The following TAF3 variants were observed in gnomAD, a reference collection of about 807,000 sequenced individuals.
TAF3 encodes TATA-box binding protein associated factor 3, also known as transcription initiation factor TFIID subunit 3.
TAF3 carries 7 observed loss-of-function variants against 80.6 expected under a neutral mutation model. The observed-to-expected ratio is 0.09, with a 90% CI of 0.05 to 0.16. TAF3 has a LOEUF of 0.16. Ranked by LOEUF, TAF3 falls within the 10% of genes least tolerant of loss-of-function variation. TAF3 has a pLI of 1.00. For missense variants in TAF3, 921 were observed against 1,140.2 expected (o/e 0.81, Z 2.77); for synonymous variants, 444 against 446.1 (o/e 1.00, Z 0.06).
rs1161460162 is a variant in TAF3, at chr10:7,965,274, C to T, written c.1764C>T (p.Tyr588=). The T allele has an allele frequency of 3.7e-6, 6 of 1,608,178 alleles. No individual in the cohort carries two copies. The highest frequency in any genetic ancestry group is 4.2e-6 in the Non-Finnish European group (5 of 1,178,754). The stretch of plus-strand genomic sequence containing the variant: ...TTAAAGAGGAAGAGGCAGATCCCTA[C>T]AAGTTTAAAATCAAAGAATTTGAAG... ...EFLKEEEADP[Y]KFKIKEFEDV... is the part of the protein sequence containing the mutation. The change falls in exon 3 of 7, where the codon TAC becomes TAT. Residue 588 remains tyrosine (Y), a synonymous_variant. Transcript: ENST00000344293.
In TAF3 at chr10:7,824,315, C is replaced by T. The variant is rs77422857; in HGVS notation, c.167-3C>T. On this transcript the variant is annotated splice_region_variant and splice_polypyrimidine_tract_variant and intron_variant, in intron 1 of 6. Transcript: ENST00000344293. ...ATTTGATTTGCTTTTCACTTTGTTT[C>T]AGATGGCCGAACAGACCCAATTTTG... 763 of 1,599,868 alleles carry T rather than the reference C, an allele frequency of 4.8e-4. 1 individual carries two copies. Among genetic ancestry groups the T allele is most frequent in the Non-Finnish European group, 6.4e-4 (746 of 1,171,934 alleles).
At position 7,938,785 on chromosome 10, in the gene TAF3, A is replaced by C. The variant is rs1837949496; in HGVS notation, c.410-25135A>C. Among the ~76,000 whole-genome samples the C allele has an allele frequency of 3.9e-5, 6 of 152,216 alleles. No individual in the cohort carries two copies. The South Asian group carries it at 1.2e-3, about 32-fold the overall frequency. On this transcript the variant is annotated intron_variant, in intron 2 of 6. Transcript: ENST00000344293. ...GAAGAGATGAAACTGCCGAATGTTA[A>C]GTGTTGAAAGAGACTGCAAGTTGAT...
intron 2 of TAF3, among the ~76,000 whole-genome samples, chr10:7,880,083 T>G (rs1396893066): frequency 1.3e-5 from 2 of 151,926 alleles, no homozygotes; most frequent in Non-Finnish European, 2.9e-5. Context: ...CCCAAAAATA[T>G]AACAAATTAG....
At chr10:7,898,761 A>C (rs1014724490) in intron 2 of TAF3, among the ~76,000 whole-genome samples, 1 of 151,994 alleles carries the variant, frequency 6.6e-6, no homozygotes, top group Non-Finnish European at 1.5e-5. Flanking sequence ...CACTCTGAGA[A>C]TATTGTGTTG....
At chr10:7,861,477 G>GT (rs1837146936) in intron 2 of TAF3, among the ~76,000 whole-genome samples, 1 of 152,068 alleles carries the variant, frequency 6.6e-6, no homozygotes, top group African/African-American at 2.4e-5. Flanking sequence ...TAGGTTCCTT[G>GT]TTATCTGATG....
chr10:7,994,038 T>C (rs113069659), intron 4 of TAF3, among the ~76,000 whole-genome samples: 4,054 of 125,282 alleles, frequency 0.032, 93 homozygotes, highest in South Asian at 0.06. Context: ...CCCCTCTCTC[T>C]TTCTCTGCTC....
At chr10:7,909,836 G>A (rs1234633574) in intron 2 of TAF3, among the ~76,000 whole-genome samples, 3 of 152,030 alleles carry the variant, frequency 2.0e-5, no homozygotes, top group Non-Finnish European at 2.9e-5. Context: ...CTTCCTACTC[G>A]CTGGTAGTGA....
chr10:7,962,787 G>C (rs190397231), intron 2 of TAF3, among the ~76,000 whole-genome samples: 21 of 152,238 alleles, frequency 1.4e-4, no homozygotes, highest in African/African-American at 4.8e-4. Flanking sequence ...CACTTTCTGT[G>C]GGCTAGACAT....
chr10:7,956,798 G>T (rs1015218583), intron 2 of TAF3, among the ~76,000 whole-genome samples: 2 of 152,174 alleles, frequency 1.3e-5, no homozygotes, highest in African/African-American at 4.8e-5. Flanking sequence ...CTTATTTGAA[G>T]TATAGCATTC....
At chr10:7,853,334 T>G (rs1837047364) in intron 2 of TAF3, among the ~76,000 whole-genome samples, 2 of 152,210 alleles carry the variant, frequency 1.3e-5, no homozygotes, top group South Asian at 4.1e-4. Flanking sequence ...GTGGGGGCAT[T>G]ACATTGGCGG....
chr10:7,867,782 G>A (rs1345529926), intron 2 of TAF3, among the ~76,000 whole-genome samples: 1 of 152,078 alleles, frequency 6.6e-6, no homozygotes, highest in Non-Finnish European at 1.5e-5. Context: ...TGGGAGTTGG[G>A]GGCACAGACC....
chr10:7,962,200 C>G (rs1284698964), intron 2 of TAF3, among the ~76,000 whole-genome samples: 1 of 152,162 alleles, frequency 6.6e-6, no homozygotes, highest in East Asian at 1.9e-4. Flanking sequence ...AGTCTTATAC[C>G]CTAATCATTT....
intron 2 of TAF3, among the ~76,000 whole-genome samples, chr10:7,849,293 A>T (rs994946715): frequency 7.2e-5 from 11 of 152,080 alleles, no homozygotes; most frequent in Non-Finnish European, 1.3e-4. Flanking sequence ...GAGCTTTTTT[A>T]AAAAAATTAC....
At chr10:7,857,496 C>G (rs1266981718) in intron 2 of TAF3, among the ~76,000 whole-genome samples, 1 of 152,204 alleles carries the variant, frequency 6.6e-6, no homozygotes, top group Non-Finnish European at 1.5e-5. Context: ...TGGTGCCACA[C>G]AGTCTTCGGA....
At chr10:7,990,466 G>A (rs1464300594) in intron 4 of TAF3, among the ~76,000 whole-genome samples, 1 of 152,164 alleles carries the variant, frequency 6.6e-6, no homozygotes, top group Admixed American at 6.5e-5. Context: ...AAAGTACGTG[G>A]TCAGGGTAAA....
At chr10:7,994,977 G>GAAAAAAAAAAAA (rs71287400) in intron 4 of TAF3, among the ~76,000 whole-genome samples, 5 of 97,610 alleles carry the variant, frequency 5.1e-5, no homozygotes, top group Non-Finnish European at 6.0e-5. Context: ...CTCAAAAAAA[G>GAAAAAAAAAAAA]AAAAAAAAAA....
chr10:8,008,776 T>C (rs1353530528), intron 4 of TAF3, among the ~76,000 whole-genome samples: 2 of 152,308 alleles, frequency 1.3e-5, no homozygotes, highest in African/African-American at 4.8e-5. Flanking sequence ...CCGTCAGAGC[T>C]TCTGCCCCAG....
At chr10:7,843,630 CT>C (rs1249714382) in intron 2 of TAF3, among the ~76,000 whole-genome samples, 1 of 139,842 alleles carries the variant, frequency 7.2e-6, no homozygotes. Context: ...TGTGTCTCCC[CT>C]ATCTCTTTCT....
rs142067096 is a variant in TAF3 at position 7,931,738 on chromosome 10, G to A, written c.410-32182G>A. On this transcript the variant is annotated intron_variant, in intron 2 of 6. Coordinates refer to ENST00000344293, the MANE Select transcript of TAF3 (RefSeq NM_031923.4). ...TTCTGGGTAGTCAATCAGGCAACAA[G>A]TATTAATACTGAGTGCTTATTTCAT... Among the ~76,000 whole-genome samples the A allele has an allele frequency of 3.7e-3, 566 of 152,262 alleles. 4 individuals carry two copies. Among genetic ancestry groups the A allele is most frequent in the South Asian group, 0.02 (96 of 4,828 alleles).
Sources: gnomAD v4.1 joint callset for allele counts (sites outside exome capture counted in the v4.1 genomes callset) on GRCh38, gnomAD v4.1.1 for gene constraint, MANE v1.5 for transcripts, NCBI Gene and HGNC (gene_info 2026-07-23, HGNC 2026-07-21) for gene names.